Variants in GIT2 observed in about 807,000 individuals in gnomAD.
GIT2 encodes GIT ArfGAP 2.
Under a neutral mutation model 100.3 loss-of-function variants are expected in GIT2, and 32 were observed. The ratio of observed to expected loss-of-function variants is 0.32; its 90% CI spans 0.24 to 0.43. The LOEUF (loss-of-function observed/expected upper bound fraction) is 0.43, where lower values mean the gene tolerates loss of function less well. Ranked by LOEUF, GIT2 falls within the 20% of genes least tolerant of loss-of-function variation. The probability of loss-of-function intolerance (pLI) is 1.00; values close to 1 mark genes in which losing one functional copy is unlikely to be tolerated. For synonymous variants in GIT2, 353 were observed against 364.1 expected, an observed-to-expected ratio of 0.97 and a Z score of 0.35; for missense variants, 737 against 975.1, an observed-to-expected ratio of 0.76 and a Z score of 3.25.
intron 1 of GIT2, among the ~76,000 whole-genome samples, chr12:109,995,048 A>G (rs1349957835): frequency 1.3e-5 from 2 of 152,240 alleles, no homozygotes; most frequent in Non-Finnish European, 2.9e-5. Flanking sequence ...TAAGATCAGA[A>G]CAGTTGCAAA....
intron 1 of GIT2, among the ~76,000 whole-genome samples, chr12:109,995,890 G>C (rs1228983524): frequency 6.6e-6 from 1 of 152,216 alleles, no homozygotes; most frequent in African/African-American, 2.4e-5. Flanking sequence ...GCCCCTTCCT[G>C]TTGGGGGAGC....
At chr12:109,984,376 C>A (rs1005604428) in intron 4 of GIT2, among the ~76,000 whole-genome samples, 1 of 151,926 alleles carries the variant, frequency 6.6e-6, no homozygotes, top group Admixed American at 6.6e-5. Flanking sequence ...CATGCCACTG[C>A]ACTCCAGCCT....
At chr12:109,943,923 G>GATTGAA (rs1283708678) in intron 16 of GIT2, among the ~76,000 whole-genome samples, 2 of 152,048 alleles carry the variant, frequency 1.3e-5, no homozygotes, top group Non-Finnish European at 2.9e-5. Context: ...GAACTCCTGG[G>GATTGAA]CTCAAGCAAT....
chr12:109,997,509 G>A (rs915289141), upstream of GIT2: 3 of 152,142 alleles, frequency 2.0e-5, no homozygotes, highest in African/African-American at 7.2e-5. Context: ...ATTTGTTTTT[G>A]TATGGCTTGC....
chr12:109,958,234 G>A (rs868547453), intron 12 of GIT2, among the ~76,000 whole-genome samples: 3 of 149,684 alleles, frequency 2.0e-5, no homozygotes, highest in Middle Eastern at 3.5e-3. Flanking sequence ...GTGAGCCACC[G>A]TGCCTGGCCC....
At chr12:109,970,612 T>C (rs1388214292) in intron 7 of GIT2, among the ~76,000 whole-genome samples, 1 of 152,056 alleles carries the variant, frequency 6.6e-6, no homozygotes, top group African/African-American at 2.4e-5. Context: ...ATCTCTGGAT[T>C]CTCTATACTG....
chr12:109,978,080 T>G (rs1034284861), intron 7 of GIT2, among the ~76,000 whole-genome samples: 1 of 126,800 alleles, frequency 7.9e-6, no homozygotes, highest in Admixed American at 7.3e-5. Context: ...TTAGAGGTTT[T>G]TTTTTTTTTT....
At chr12:109,967,084 C>A (rs1010698848) in intron 8 of GIT2, among the ~76,000 whole-genome samples, 2 of 152,106 alleles carry the variant, frequency 1.3e-5, no homozygotes, top group Non-Finnish European at 2.9e-5. Context: ...GCCATATTAC[C>A]CACAAAGTCT....
chr12:109,973,437 G>A (rs111862438), intron 7 of GIT2, among the ~76,000 whole-genome samples: 25 of 151,982 alleles, frequency 1.6e-4, no homozygotes, highest in African/African-American at 5.1e-4. Flanking sequence ...CATCGCGCCC[G>A]GTCTGCTTTG....
At chr12:109,966,612 A>C (rs1280663718) in intron 8 of GIT2, among the ~76,000 whole-genome samples, 1 of 151,722 alleles carries the variant, frequency 6.6e-6, no homozygotes, top group Non-Finnish European at 1.5e-5. Context: ...CGGAGTTTGC[A>C]ACCAGCCTGG....
chr12:109,933,274 C>G lies in GIT2; in HGVS notation c.2068-84G>C. ...GGACAAACATTCTTCTAAAGCAAAC[C>G]AAGCTGCTCCCCAGAGTGAAAGGCG... is the stretch of plus-strand genomic sequence containing the variant. On this transcript the variant is annotated intron_variant, in intron 19 of 19. Coordinates refer to ENST00000355312, the MANE Select transcript of GIT2 (RefSeq NM_057169.5). This position sits in a 1 kb window ranked among gnomAD's most constrained non-coding sequence, Gnocchi z 4.5. The G allele has an allele frequency of 1.2e-6, 1 of 800,328 alleles. No homozygotes were observed. Among genetic ancestry groups the G allele is most frequent in the Non-Finnish European group, 2.1e-6 (1 of 482,018 alleles). 49.6% of individuals were successfully genotyped at this position (800,328 alleles called of 1,614,324 possible).
intron 2 of GIT2, among the ~76,000 whole-genome samples, chr12:109,990,493 C>A (rs534768881): frequency 2.0e-5 from 3 of 152,220 alleles, no homozygotes; most frequent in Non-Finnish European, 4.4e-5. Context: ...CTCCAAATTT[C>A]ATTTCAAGGC....
At chr12:109,938,856 A>G in intron 17 of GIT2, 1 of 491,250 alleles carries the variant, frequency 2.0e-6, no homozygotes, top group South Asian at 3.1e-5. Context: ...CAGGTGGGCC[A>G]ACTCCTTGGG....
intron 12 of GIT2, among the ~76,000 whole-genome samples, chr12:109,957,318 T>C (rs1879755417): frequency 6.6e-6 from 1 of 152,132 alleles, no homozygotes; most frequent in Admixed American, 6.6e-5. Flanking sequence ...TCTGCACATG[T>C]AGCACCCCTT....
In GIT2 at chr12:109,953,172, C is replaced by A; in HGVS notation, c.1162G>T (p.Asp388Tyr). The part of the protein sequence containing the change: ...NQHSVESQDN[D>Y]QPDYDSVASD... ...GCCACGCTGTCATAGTCGGGCTGAT[C>A]GTTGTCTTGACTCTCAACGCTGTGC... Residue 388 changes from aspartate to tyrosine, a missense_variant, in exon 13 of 20, where the codon GAT becomes TAT. Asp to Tyr is a radical substitution (Grantham distance 160). Around this residue, in one of 3 missense-constraint regions of GIT2, gnomAD observed 451 missense variants for 543.7 expected, o/e 0.83. Transcript: ENST00000355312. The A allele has an allele frequency of 6.2e-7, 1 of 1,613,946 alleles. No individual in the cohort carries two copies. The highest frequency in any genetic ancestry group is 8.5e-7 in the Non-Finnish European group (1 of 1,179,852).
chr12:109,998,287 T>C (rs1429356977), upstream of GIT2: 2 of 152,248 alleles, frequency 1.3e-5, no homozygotes, highest in Non-Finnish European at 2.9e-5. Flanking sequence ...GCATCCTGTT[T>C]TGGTTTAACA....
chr12:109,966,508 C>CAAAA (rs749586402), intron 8 of GIT2, among the ~76,000 whole-genome samples: 28 of 69,556 alleles, frequency 4.0e-4, no homozygotes, highest in Middle Eastern at 7.9e-3. Flanking sequence ...GACTCTGTCT[C>CAAAA]AAAAAAAAAA....
chr12:109,944,114 G>T (rs922996645), intron 16 of GIT2, among the ~76,000 whole-genome samples: 1 of 152,222 alleles, frequency 6.6e-6, no homozygotes, highest in Non-Finnish European at 1.5e-5. Context: ...TGAGGCTGCA[G>T]TACGCTATGA....
chr12:109,997,984 A>AG (rs1889683336), upstream of GIT2: 1 of 152,232 alleles, frequency 6.6e-6, no homozygotes, highest in African/African-American at 2.4e-5. Context: ...GTTGTTAGCC[A>AG]GGTACTATTT....
Sources: allele counts gnomAD v4.1 joint callset (sites outside exome capture counted in the v4.1 genomes callset), GRCh38; gene constraint gnomAD v4.1.1; regional missense constraint gnomAD v4.1.1; non-coding constraint Gnocchi (gnomAD v3.1); transcripts MANE v1.5; gene names NCBI Gene and HGNC (gene_info 2026-07-23, HGNC 2026-07-21).